ADAMTSL1: variants seen among roughly 807,000 people sequenced by gnomAD.
ADAMTSL1 encodes the protein ADAMTS like 1.
In ADAMTSL1, 126 loss-of-function variants were observed where a neutral mutation model predicts 201.8. That is an observed-to-expected ratio of 0.62 (90% CI 0.54 to 0.72). ADAMTSL1 has a LOEUF of 0.72. Ranked by LOEUF, ADAMTSL1 falls within the 30% of genes least tolerant of loss-of-function variation. The pLI is 0.00. For missense variants in ADAMTSL1, 2,679 were observed against 2,277.8 expected (o/e 1.18, Z -3.59); for synonymous variants, 1,121 against 903.4 (o/e 1.24, Z -4.32).
intron 2 of ADAMTSL1, among the ~76,000 whole-genome samples, chr9:18,426,732 G>A (rs1819238693): frequency 1.3e-5 from 2 of 152,260 alleles, no homozygotes; most frequent in Middle Eastern, 3.4e-3. Flanking sequence ...AGGAAACTGA[G>A]GCCCAGAGAT....
chr9:18,515,752 G>A (rs768834051), intron 2 of ADAMTSL1, among the ~76,000 whole-genome samples: 10 of 152,132 alleles, frequency 6.6e-5, no homozygotes, highest in Non-Finnish European at 1.5e-4. Context: ...GATTGCCCTA[G>A]GTACTACTCT....
At chr9:18,771,590 AT>A (rs1479140224) in intron 17 of ADAMTSL1, among the ~76,000 whole-genome samples, 1 of 151,728 alleles carries the variant, frequency 6.6e-6, no homozygotes, top group Non-Finnish European at 1.5e-5. Context: ...TCACAAGAAG[AT>A]TTAGCCAAGA....
chr9:18,135,374 C>G (rs762668183), intron 1 of ADAMTSL1, among the ~76,000 whole-genome samples: 21 of 152,042 alleles, frequency 1.4e-4, no homozygotes, highest in Non-Finnish European at 2.6e-4. Flanking sequence ...GAATATAAGT[C>G]CAGAGGCTCA....
At chr9:17,986,620 A>G (rs1405517435) in intron 1 of ADAMTSL1, among the ~76,000 whole-genome samples, 2 of 152,234 alleles carry the variant, frequency 1.3e-5, no homozygotes, top group East Asian at 3.9e-4. Context: ...TAGGCAAGGG[A>G]ATGCATTTAA....
At chr9:18,896,853 C>G (rs77108895) in intron 26 of ADAMTSL1, among the ~76,000 whole-genome samples, 1 of 152,020 alleles carries the variant, frequency 6.6e-6, no homozygotes, top group African/African-American at 2.4e-5. Context: ...AGACTCAGGC[C>G]CTGGGAATCC....
chr9:18,901,548 G>A (rs1830018464), intron 26 of ADAMTSL1, among the ~76,000 whole-genome samples: 1 of 152,196 alleles, frequency 6.6e-6, no homozygotes, highest in African/African-American at 2.4e-5. Context: ...GGGAAACAGA[G>A]TGGTATACAT....
At chr9:18,140,406 C>G (rs1826347350) in intron 1 of ADAMTSL1, among the ~76,000 whole-genome samples, 1 of 152,126 alleles carries the variant, frequency 6.6e-6, no homozygotes, top group Admixed American at 6.6e-5. Flanking sequence ...CAGCAGAGAC[C>G]AGGAGCAAGC....
At chr9:18,749,460 T>C (rs1425410944) in intron 15 of ADAMTSL1, among the ~76,000 whole-genome samples, 1 of 152,100 alleles carries the variant, frequency 6.6e-6, no homozygotes, top group African/African-American at 2.4e-5. Flanking sequence ...ATGCCCTCAC[T>C]CTCTGATGCC....
chr9:18,323,886 T>TA (rs1178832665), intron 2 of ADAMTSL1, among the ~76,000 whole-genome samples: 2 of 152,168 alleles, frequency 1.3e-5, no homozygotes, highest in Non-Finnish European at 2.9e-5. Context: ...TTCAAATTGT[T>TA]AAAGATGCCA....
intron 1 of ADAMTSL1, among the ~76,000 whole-genome samples, chr9:18,127,124 C>G (rs749343022): frequency 2.6e-5 from 4 of 152,070 alleles, no homozygotes; most frequent in Non-Finnish European, 5.9e-5. Context: ...TATGGCACAG[C>G]TGTGAAGGTT....
At chr9:17,946,731 A>T (rs1175151804) in intron 1 of ADAMTSL1, among the ~76,000 whole-genome samples, 1 of 152,168 alleles carries the variant, frequency 6.6e-6, no homozygotes, top group Non-Finnish European at 1.5e-5. Flanking sequence ...TCACCATTGA[A>T]TTATTTCAGT....
intron 2 of ADAMTSL1, among the ~76,000 whole-genome samples, chr9:18,523,585 G>A (rs200524902): frequency 6.6e-6 from 1 of 151,214 alleles, no homozygotes; most frequent in Admixed American, 6.6e-5. Context: ...GTCTAACGTT[G>A]AAGTCTTTAA....
At chr9:18,212,608 T>C (rs1486925712) in intron 2 of ADAMTSL1, among the ~76,000 whole-genome samples, 3 of 152,130 alleles carry the variant, frequency 2.0e-5, no homozygotes, top group Non-Finnish European at 4.4e-5. Flanking sequence ...TGCAATTGCA[T>C]GTGCAATTGC....
At chr9:18,497,211 G>T (rs1441192863) in intron 1 of ADAMTSL1, among the ~76,000 whole-genome samples, 2 of 152,192 alleles carry the variant, frequency 1.3e-5, no homozygotes, top group African/African-American at 2.4e-5. Context: ...TAGTATCAGG[G>T]TTTAAAATAT....
At chr9:18,492,839 C>T (rs1240077300) in intron 1 of ADAMTSL1, among the ~76,000 whole-genome samples, 1 of 152,210 alleles carries the variant, frequency 6.6e-6, no homozygotes, top group Non-Finnish European at 1.5e-5. Context: ...TAAAATACCA[C>T]AGCAGCAAAG....
intron 1 of ADAMTSL1, among the ~76,000 whole-genome samples, chr9:17,976,607 T>G (rs1477856179): frequency 6.6e-6 from 1 of 151,922 alleles, no homozygotes; most frequent in Non-Finnish European, 1.5e-5. Context: ...TTTACTGAGT[T>G]CTTTGATCAG....
At chr9:18,364,589 T>G (rs1836685794) in intron 2 of ADAMTSL1, among the ~76,000 whole-genome samples, 1 of 152,074 alleles carries the variant, frequency 6.6e-6, no homozygotes, top group Admixed American at 6.6e-5. Flanking sequence ...AAACAGACCC[T>G]CACAGAATAT....
At chr9:18,669,095 G>C (rs550601299) in intron 9 of ADAMTSL1, among the ~76,000 whole-genome samples, 15 of 152,288 alleles carry the variant, frequency 9.8e-5, no homozygotes, top group Admixed American at 9.8e-4. Flanking sequence ...TATGAGATCT[G>C]GTTCCAGCCC....
intron 2 of ADAMTSL1, among the ~76,000 whole-genome samples, chr9:18,200,666 GTA>G (rs1283907731): frequency 1.3e-5 from 2 of 151,878 alleles, no homozygotes; most frequent in African/African-American, 4.8e-5. Context: ...ACCTTGTGAC[GTA>G]TAAAGTAATG....
Sources: allele counts gnomAD v4.1 joint callset (sites outside exome capture counted in the v4.1 genomes callset), GRCh38; gene constraint gnomAD v4.1.1; transcripts MANE v1.5; gene names NCBI Gene and HGNC (gene_info 2026-07-23, HGNC 2026-07-21).